The following CYYR1 variants were observed in gnomAD, a reference collection of about 807,000 sequenced individuals.
The protein encoded by CYYR1 is cysteine and tyrosine-rich protein 1.
Under a neutral mutation model 15.2 loss-of-function variants are expected in CYYR1, and 14 were observed. The ratio of observed to expected loss-of-function variants is 0.92; its 90% CI spans 0.61 to 1.44. The LOEUF (loss-of-function observed/expected upper bound fraction) is 1.44. Among genes scored for constraint, CYYR1 ranks in the 40% most tolerant of loss-of-function variants. CYYR1 has a pLI of 0.00. For missense variants in CYYR1, 228 were observed against 209.5 expected (o/e 1.09, Z -0.54); for synonymous variants, 80 against 77.4 (o/e 1.03, Z -0.18).
chr21:26,517,552 G>C (rs781281917), intron 2 of CYYR1, among the ~76,000 whole-genome samples: 1 of 152,130 alleles, frequency 6.6e-6, no homozygotes, highest in Non-Finnish European at 1.5e-5. Context: ...AAATTCAAGA[G>C]AGCCCAGACA....
chr21:26,542,573 A>G (rs900879962), intron 2 of CYYR1, among the ~76,000 whole-genome samples: 8 of 152,162 alleles, frequency 5.3e-5, no homozygotes, highest in African/African-American at 1.2e-4. Context: ...TTTTTTTCCT[A>G]TGTTCCAGAA....
chr21:26,485,508 G>A (rs1018421894), intron 2 of CYYR1, among the ~76,000 whole-genome samples: 3 of 151,988 alleles, frequency 2.0e-5, no homozygotes, highest in African/African-American at 7.2e-5. Flanking sequence ...ATAACCCCGG[G>A]TATCAGCAAT....
intron 2 of CYYR1, among the ~76,000 whole-genome samples, chr21:26,494,304 T>C (rs189214822): frequency 6.0e-4 from 91 of 152,312 alleles, no homozygotes; most frequent in Non-Finnish European, 1.2e-3. Flanking sequence ...TCTATGAATA[T>C]TGACTAGCTG....
At chr21:26,480,698 A>G (rs1256895863) in intron 2 of CYYR1, among the ~76,000 whole-genome samples, 1 of 152,126 alleles carries the variant, frequency 6.6e-6, no homozygotes, top group Non-Finnish European at 1.5e-5. Context: ...CCAGTTCTTA[A>G]AATTCATGTT....
At chr21:26,488,851 C>T (rs1414132511) in intron 2 of CYYR1, among the ~76,000 whole-genome samples, 1 of 152,044 alleles carries the variant, frequency 6.6e-6, no homozygotes, top group Non-Finnish European at 1.5e-5. Context: ...TTAATAACAA[C>T]ATGGAGATGC....
intron 1 of CYYR1, chr21:26,569,082 G>C (rs1460723249): frequency 6.6e-6 from 1 of 152,092 alleles, no homozygotes; most frequent in African/African-American, 2.4e-5. Context: ...CCATTGCTGG[G>C]GTATCTATCT....
intron 2 of CYYR1, among the ~76,000 whole-genome samples, chr21:26,497,374 G>A (rs181669232): frequency 7.9e-5 from 12 of 152,180 alleles, no homozygotes; most frequent in Admixed American, 5.9e-4. Context: ...CATAAAATAA[G>A]CCCTTTAACA....
At chr21:26,484,377 A>G (rs1193846490) in intron 2 of CYYR1, among the ~76,000 whole-genome samples, 2 of 152,138 alleles carry the variant, frequency 1.3e-5, no homozygotes, top group Non-Finnish European at 2.9e-5. Flanking sequence ...CCTACATACA[A>G]AAATAGAATG....
rs934777549 is a variant in CYYR1 at position 26,466,237 on chromosome 21, A to G, written c.*2264T>C. The G allele has an allele frequency of 6.6e-6, 1 of 152,210 alleles. No homozygotes were observed. Among genetic ancestry groups the G allele is most frequent in the Admixed American group, 6.5e-5 (1 of 15,280 alleles). The allele number at this position is 152,210 out of a possible 1,614,324, so 9.4% of individuals were successfully genotyped here. A position where few individuals can be genotyped will look rare whatever the true frequency, so the allele number is the denominator to read the frequency against. On this transcript the variant is annotated 3_prime_UTR_variant, in exon 4 of 4. Transcript: ENST00000652641. Reference sequence around the variant, plus strand: ...AATCTGTGTTATAATAGGTTCTTTCACTTTATTGCTTATTGTAAACACTTT... The same window carrying G: ...AATCTGTGTTATAATAGGTTCTTTCGCTTTATTGCTTATTGTAAACACTTT...
At chr21:26,552,041 A>AAAGC (rs1398209249) in intron 2 of CYYR1, 2 of 152,278 alleles carry the variant, frequency 1.3e-5, no homozygotes, top group African/African-American at 4.8e-5. Context: ...CATCAGCATC[A>AAAGC]AAGCAAGACC....
chr21:26,564,663 G>A, intron 2 of CYYR1: 1 of 1,051,934 alleles, frequency 9.5e-7, no homozygotes, highest in Non-Finnish European at 1.2e-6. Flanking sequence ...ATTTACCAGG[G>A]TGGAGGTAGC....
At chr21:26,508,195 G>A (rs1167039036) in intron 2 of CYYR1, among the ~76,000 whole-genome samples, 4 of 152,194 alleles carry the variant, frequency 2.6e-5, no homozygotes, top group Admixed American at 1.3e-4. Flanking sequence ...AAAACAACAA[G>A]CGGCTTTGTG....
chr21:26,570,596 C>G (rs1223689418), intron 1 of CYYR1, among the ~76,000 whole-genome samples: 2 of 152,140 alleles, frequency 1.3e-5, no homozygotes, highest in East Asian at 3.8e-4. Context: ...GGTATAGAAA[C>G]CTTGCTCTTA....
At chr21:26,522,990 GATCTTGTGC>G (rs1372754318) in intron 2 of CYYR1, among the ~76,000 whole-genome samples, 1 of 152,174 alleles carries the variant, frequency 6.6e-6, no homozygotes, top group African/African-American at 2.4e-5. Flanking sequence ...GGAGGCAAAG[GATCTTGTGC>G]ATGTTAGGTG....
chr21:26,532,989 G>A (rs1007167402), intron 2 of CYYR1, among the ~76,000 whole-genome samples: 2 of 151,666 alleles, frequency 1.3e-5, no homozygotes, highest in African/African-American at 2.4e-5. Context: ...TATACCCAAG[G>A]TATCTTATTA....
At chr21:26,551,849 C>G in intron 2 of CYYR1, 1 of 211,890 alleles carries the variant, frequency 4.7e-6, no homozygotes, top group Non-Finnish European at 9.4e-6. Context: ...GAAGGATTGA[C>G]TCCAATTTTG....
intron 2 of CYYR1, chr21:26,506,608 T>C (rs1208848805): frequency 6.6e-6 from 1 of 152,190 alleles, no homozygotes; most frequent in Non-Finnish European, 1.5e-5. Context: ...GTGAACTCAG[T>C]GTTTTTGGTA....
At chr21:26,473,605 G>T (rs71317468) in intron 3 of CYYR1, among the ~76,000 whole-genome samples, 5,800 of 152,062 alleles carry the variant, frequency 0.038, 157 homozygotes, top group Non-Finnish European at 0.055. Flanking sequence ...GTCTGTCACC[G>T]CACCCTCTTT....
chr21:26,498,229 G>C (rs779581598), intron 2 of CYYR1, among the ~76,000 whole-genome samples: 15 of 152,102 alleles, frequency 9.9e-5, no homozygotes, highest in Admixed American at 2.6e-4. Flanking sequence ...TTATTTGAAG[G>C]CCCTATAGCC....
Sources: allele counts gnomAD v4.1 joint callset (sites outside exome capture counted in the v4.1 genomes callset), GRCh38; gene constraint gnomAD v4.1.1; transcripts MANE v1.5; gene names NCBI Gene and HGNC (gene_info 2026-07-23, HGNC 2026-07-21).